Variants in NKAIN3 observed in about 807,000 individuals in gnomAD.
The protein encoded by NKAIN3 is sodium/potassium-transporting ATPase subunit beta-1-interacting protein 3.
NKAIN3 carries 25 observed loss-of-function variants against 30.2 expected under a neutral mutation model. The ratio of observed to expected loss-of-function variants is 0.83; its 90% CI spans 0.60 to 1.16. NKAIN3 has a LOEUF of 1.16. NKAIN3 is among the 50% of genes most tolerant of loss of function. NKAIN3 has a pLI of 0.00. For missense variants in NKAIN3, 225 were observed against 254.1 expected (o/e 0.89, Z 0.78); for synonymous variants, 91 against 89.6 (o/e 1.02, Z -0.09).
intron 1 of NKAIN3, among the ~76,000 whole-genome samples, chr8:62,279,293 T>C (rs1436183597): frequency 2.0e-5 from 3 of 152,190 alleles, no homozygotes; most frequent in East Asian, 3.9e-4. Context: ...GGTGAGTAGA[T>C]TGCAAAAATT....
At chr8:62,528,335 T>A (rs7845981) in intron 1 of NKAIN3, among the ~76,000 whole-genome samples, 8 of 39,094 alleles carry the variant, frequency 2.0e-4, no homozygotes, top group Non-Finnish European at 1.6e-4. Context: ...ATATATATAT[T>A]ATATAATATA....
chr8:62,403,037 T>C (rs1803937908), intron 1 of NKAIN3, among the ~76,000 whole-genome samples: 1 of 152,168 alleles, frequency 6.6e-6, no homozygotes, highest in Non-Finnish European at 1.5e-5. Context: ...ATATGGACAA[T>C]GAAGACCAGG....
At chr8:62,531,727 A>G (rs1393690440) in intron 1 of NKAIN3, among the ~76,000 whole-genome samples, 7 of 152,218 alleles carry the variant, frequency 4.6e-5, no homozygotes, top group Non-Finnish European at 5.9e-5. Context: ...TTTAAGATGA[A>G]TGACCCAGAG....
intron 4 of NKAIN3, among the ~76,000 whole-genome samples, chr8:62,803,860 CTG>C: frequency 6.6e-6 from 1 of 152,066 alleles, no homozygotes; most frequent in Non-Finnish European, 1.5e-5. Flanking sequence ...AATTGATAGA[CTG>C]CTAGCAAGAC....
At chr8:62,498,710 A>C (rs984548189) in intron 1 of NKAIN3, among the ~76,000 whole-genome samples, 37 of 142,662 alleles carry the variant, frequency 2.6e-4, no homozygotes, top group African/African-American at 9.9e-4. Flanking sequence ...GTGAGGATGT[A>C]TGTCTTTTTT....
intron 3 of NKAIN3, among the ~76,000 whole-genome samples, chr8:62,684,540 G>T (rs768529033): frequency 6.6e-6 from 1 of 152,072 alleles, no homozygotes; most frequent in Non-Finnish European, 1.5e-5. Flanking sequence ...CTGCAAAACC[G>T]GATGGGGCAT....
At chr8:62,759,146 G>A (rs573925258) in intron 4 of NKAIN3, among the ~76,000 whole-genome samples, 1 of 152,140 alleles carries the variant, frequency 6.6e-6, no homozygotes, top group African/African-American at 2.4e-5. Context: ...ATTATTGTCT[G>A]AATTTTAGTT....
chr8:62,666,566 G>C (rs1353580424), intron 3 of NKAIN3, among the ~76,000 whole-genome samples: 1 of 151,856 alleles, frequency 6.6e-6, no homozygotes, highest in African/African-American at 2.4e-5. Flanking sequence ...GTCATTTTGT[G>C]ATTTTTTTCT....
chr8:62,704,001 A>G (rs1276674416), intron 3 of NKAIN3, among the ~76,000 whole-genome samples: 1 of 152,140 alleles, frequency 6.6e-6, no homozygotes, highest in Non-Finnish European at 1.5e-5. Context: ...ATTTTCATCC[A>G]CTGTGCTGGT....
chr8:62,609,858 G>A (rs1479605658), intron 3 of NKAIN3, among the ~76,000 whole-genome samples: 4 of 152,130 alleles, frequency 2.6e-5, no homozygotes, highest in African/African-American at 7.2e-5. Context: ...GTAGAGGAGA[G>A]CCGAAGAAAG....
intron 1 of NKAIN3, among the ~76,000 whole-genome samples, chr8:62,252,360 C>G (rs372748673): frequency 2.0e-5 from 3 of 152,150 alleles, no homozygotes; most frequent in Non-Finnish European, 4.4e-5. Context: ...AAAAGCTTTT[C>G]GTTATCTTAT....
At chr8:62,634,361 A>T (rs1486265909) in intron 3 of NKAIN3, among the ~76,000 whole-genome samples, 2 of 152,100 alleles carry the variant, frequency 1.3e-5, no homozygotes, top group African/African-American at 4.8e-5. Context: ...TTTCCCACAC[A>T]TGATTACATT....
intron 4 of NKAIN3, among the ~76,000 whole-genome samples, chr8:62,854,156 T>A (rs1017293908): frequency 6.6e-6 from 1 of 152,214 alleles, no homozygotes; most frequent in Admixed American, 6.5e-5. Context: ...CATGTGGTAA[T>A]GAGAAGAATA....
At chr8:62,732,434 T>A (rs1815501780) in intron 3 of NKAIN3, among the ~76,000 whole-genome samples, 1 of 152,108 alleles carries the variant, frequency 6.6e-6, no homozygotes, top group Admixed American at 6.5e-5. Context: ...GATACTTATT[T>A]TAATTGCATT....
intron 5 of NKAIN3, among the ~76,000 whole-genome samples, chr8:62,920,119 A>G (rs972501550): frequency 1.3e-5 from 2 of 152,240 alleles, no homozygotes; most frequent in Non-Finnish European, 2.9e-5. Flanking sequence ...GCCAAAAAAC[A>G]GTTGGTTGAG....
chr8:62,583,926 T>C (rs1810392790), intron 2 of NKAIN3, among the ~76,000 whole-genome samples: 3 of 152,156 alleles, frequency 2.0e-5, no homozygotes, highest in Admixed American at 6.5e-5. Flanking sequence ...AAAAAGAGCA[T>C]GTTGTTATTT....
At chr8:62,542,190 T>C (rs541330396) in intron 1 of NKAIN3, among the ~76,000 whole-genome samples, 1 of 152,308 alleles carries the variant, frequency 6.6e-6, no homozygotes, top group Admixed American at 6.5e-5. Context: ...ACTAAATTCA[T>C]AGATTTTTGT....
intron 1 of NKAIN3, among the ~76,000 whole-genome samples, chr8:62,304,085 A>G (rs1447508747): frequency 4.0e-5 from 6 of 150,524 alleles, no homozygotes; most frequent in Non-Finnish European, 4.4e-5. Context: ...TTGAAATAAG[A>G]TGGGCATAGC....
chr8:62,988,111 G>A (rs1481113884), downstream of NKAIN3, among the ~76,000 whole-genome samples: 1 of 152,242 alleles, frequency 6.6e-6, no homozygotes, highest in East Asian at 1.9e-4. Context: ...CCAGGTCACA[G>A]TGATGCAAGA....
Sources: gnomAD v4.1 joint callset for allele counts (sites outside exome capture counted in the v4.1 genomes callset) on GRCh38, gnomAD v4.1.1 for gene constraint, MANE v1.5 for transcripts, NCBI Gene and HGNC (gene_info 2026-07-23, HGNC 2026-07-21) for gene names.